CFAP58: variants seen among roughly 807,000 people sequenced by gnomAD.
The protein encoded by CFAP58 is cilia- and flagella-associated protein 58.
A neutral mutation model predicts 119.5 loss-of-function variants in CFAP58; 88 were observed. That is an observed-to-expected ratio of 0.74 (90% CI 0.62 to 0.88). The LOEUF (loss-of-function observed/expected upper bound fraction) is 0.88, where lower values mean the gene tolerates loss of function less well. Ranked by LOEUF, CFAP58 falls within the 40% of genes least tolerant of loss-of-function variation. CFAP58 has a pLI of 0.00. For synonymous variants in CFAP58, 365 were observed against 366.3 expected (o/e 1.00, Z 0.04); for missense variants, 990 against 1,021.2 (o/e 0.97, Z 0.42).
chr10:104,346,584 A>G, the CFAP58 span, among the ~76,000 whole-genome samples: 2 of 139,818 alleles, frequency 1.4e-5, no homozygotes, highest in African/African-American at 5.5e-5. Context: ...TTACCCACTC[A>G]TTTATTTATT....
chr10:104,430,544 A>G (rs1437933202), intron 15 of CFAP58, among the ~76,000 whole-genome samples: 1 of 152,204 alleles, frequency 6.6e-6, no homozygotes, highest in Non-Finnish European at 1.5e-5. Context: ...TTATGGAACA[A>G]TTTGCATGAG....
intron 15 of CFAP58, among the ~76,000 whole-genome samples, chr10:104,437,515 A>G (rs937231031): frequency 1.8e-4 from 27 of 152,236 alleles, no homozygotes; most frequent in Admixed American, 1.8e-3. Flanking sequence ...TGCAAATATG[A>G]TGCAAGGTAA....
chr10:104,442,147 A>G (rs1388280635), intron 15 of CFAP58, among the ~76,000 whole-genome samples: 2 of 152,196 alleles, frequency 1.3e-5, no homozygotes, highest in Non-Finnish European at 2.9e-5. Context: ...GGGGGATGGA[A>G]AAAGGACTGA....
At chr10:104,383,753 AACAC>A (rs59181888) in intron 9 of CFAP58, among the ~76,000 whole-genome samples, 1,856 of 145,940 alleles carry the variant, frequency 0.013, 41 homozygotes, top group East Asian at 0.12. Flanking sequence ...TTTACTGTCC[AACAC>A]ACACACACAC....
intron 15 of CFAP58, among the ~76,000 whole-genome samples, chr10:104,409,055 G>GT (rs2012414920): frequency 6.6e-6 from 1 of 152,016 alleles, no homozygotes; most frequent in Non-Finnish European, 1.5e-5. Flanking sequence ...AGCTGTGATT[G>GT]TGCCACTGCA....
intron 15 of CFAP58, among the ~76,000 whole-genome samples, chr10:104,432,232 A>G (rs2133080345): frequency 6.6e-6 from 1 of 152,364 alleles, no homozygotes; most frequent in African/African-American, 2.4e-5. Context: ...TGTAACAAAT[A>G]TGGCAGAGAA....
At position 104,386,591 on chromosome 10, in the gene CFAP58, C is replaced by T. The variant is rs114238443; in HGVS notation, c.1366-5642C>T. Among the ~76,000 whole-genome samples the T allele has an allele frequency of 5.6e-4, 85 of 152,128 alleles. 1 individual carries two copies. The highest frequency in any genetic ancestry group is 2.0e-3 in the African/African-American group (81 of 41,518). On this transcript the variant is annotated intron_variant, in intron 9 of 17. Transcript: ENST00000369704. ...CTCCCCTCTGGCAGTTGAGGAGGCC[C>T]GTGTGCACGTAACTGTTACTTGTGT...
At chr10:104,413,946 G>C (rs1198903430) in intron 15 of CFAP58, among the ~76,000 whole-genome samples, 3 of 152,110 alleles carry the variant, frequency 2.0e-5, no homozygotes, top group Admixed American at 2.0e-4. Flanking sequence ...TTAAATATGG[G>C]GTAACAAGTT....
At chr10:104,399,878 G>A (rs970983489) in intron 12 of CFAP58, among the ~76,000 whole-genome samples, 1 of 152,014 alleles carries the variant, frequency 6.6e-6, no homozygotes, top group African/African-American at 2.4e-5. Flanking sequence ...ACCTTATCAC[G>A]ATGTCGGCAC....
At chr10:104,383,464 A>C (rs1268251572) in intron 9 of CFAP58, among the ~76,000 whole-genome samples, 1 of 152,220 alleles carries the variant, frequency 6.6e-6, no homozygotes, top group African/African-American at 2.4e-5. Flanking sequence ...TGATTTTAAT[A>C]TACAATTGTA....
rs576396973 is a variant in CFAP58 at position 104,438,955 on chromosome 10, G to A, written c.2257-8743G>A. On this transcript the variant is annotated intron_variant, in intron 15 of 17. Transcript: ENST00000369704. ...GAACAGAAACACACAATAACCATAA[G>A]ATTTATGGTTCAATAAATCTTAGAA... 4.2e-4 allele frequency among the ~76,000 whole-genome samples: 64 copies of A among 152,226 alleles called. 1 individual carries two copies. The highest frequency in any genetic ancestry group is 1.4e-3 in the African/African-American group (60 of 41,534).
intron 1 of CFAP58, among the ~76,000 whole-genome samples, chr10:104,358,052 T>C (rs1291854967): frequency 2.7e-5 from 4 of 149,430 alleles, no homozygotes; most frequent in Non-Finnish European, 5.9e-5. Flanking sequence ...TACACACATA[T>C]ATGTACATAT....
At chr10:104,388,720 C>T (rs1007288018) in intron 9 of CFAP58, among the ~76,000 whole-genome samples, 1 of 152,152 alleles carries the variant, frequency 6.6e-6, no homozygotes, top group African/African-American at 2.4e-5. Flanking sequence ...CTTTCTAATC[C>T]CACCTTGGTC....
chr10:104,432,652 G>A (rs1410505559), intron 15 of CFAP58, among the ~76,000 whole-genome samples: 3 of 152,054 alleles, frequency 2.0e-5, no homozygotes, highest in Non-Finnish European at 4.4e-5. Flanking sequence ...ACAGGCACAC[G>A]CCACCATGCC....
chr10:104,367,137 G>A (rs2014761292), intron 5 of CFAP58, among the ~76,000 whole-genome samples: 1 of 152,064 alleles, frequency 6.6e-6, no homozygotes, highest in Non-Finnish European at 1.5e-5. Flanking sequence ...AGGATTACAG[G>A]CATGAGCCAC....
At chr10:104,360,002 A>G (rs1413686141) in intron 2 of CFAP58, among the ~76,000 whole-genome samples, 1 of 152,164 alleles carries the variant, frequency 6.6e-6, no homozygotes, top group Non-Finnish European at 1.5e-5. Flanking sequence ...ACAAACTGAC[A>G]TTTTGCTTTG....
intron 7 of CFAP58, among the ~76,000 whole-genome samples, chr10:104,371,700 G>A (rs974975465): frequency 2.6e-5 from 4 of 152,172 alleles, no homozygotes; most frequent in African/African-American, 9.7e-5. Flanking sequence ...TGTGGGCACT[G>A]CCTGGCACAC....
chr10:104,394,238 A>T (rs2012108578), intron 11 of CFAP58, among the ~76,000 whole-genome samples: 1 of 152,184 alleles, frequency 6.6e-6, no homozygotes, highest in Non-Finnish European at 1.5e-5. Context: ...TCTTTTTCCT[A>T]TCCAGTCCAA....
chr10:104,352,574 G>A (rs1232510778), upstream of CFAP58, among the ~76,000 whole-genome samples: 1 of 152,222 alleles, frequency 6.6e-6, no homozygotes, highest in Non-Finnish European at 1.5e-5. Flanking sequence ...TGTTTGTGCA[G>A]GACGCAGCTG....
Sources: gnomAD v4.1 joint callset for allele counts (sites outside exome capture counted in the v4.1 genomes callset) on GRCh38, gnomAD v4.1.1 for gene constraint, MANE v1.5 for transcripts, NCBI Gene and HGNC (gene_info 2026-07-23, HGNC 2026-07-21) for gene names.